The following KCNAB1 variants were observed in gnomAD, a reference collection of about 807,000 sequenced individuals.
The protein encoded by KCNAB1 is potassium voltage-gated channel subfamily A regulatory beta subunit 1, also known as voltage-gated potassium channel subunit beta-1.
In KCNAB1, 35 loss-of-function variants were observed where a neutral mutation model predicts 64.6. That is an observed-to-expected ratio of 0.54 (90% confidence interval 0.41 to 0.72). The LOEUF is 0.72. Among genes scored for constraint, KCNAB1 ranks in the 30% least tolerant of loss-of-function variants. The pLI is 0.00. For synonymous variants in KCNAB1, 177 were observed against 183.8 expected, an observed-to-expected ratio of 0.96 and a Z score of 0.30; for missense variants, 401 against 512.9, an observed-to-expected ratio of 0.78 and a Z score of 2.11.
rs547963217 is a variant in KCNAB1 at position 156,400,027 on chromosome 3, C to T, written c.276-21589C>T. Among the ~76,000 whole-genome samples, 13 of 152,196 alleles carry T rather than the reference C, an allele frequency of 8.5e-5. No homozygotes were observed. The East Asian group carries it at 1.2e-3, about 14-fold the overall frequency. The stretch of plus-strand genomic sequence containing the variant: ...AAGGGGGTCCTCTTTATGGTGGCCA[C>T]GGTTCTAAACACCTGAGAGTTGAGA... On this transcript the variant is annotated intron_variant, in intron 1 of 13. Coordinates refer to ENST00000490337, the MANE Select transcript of KCNAB1 (RefSeq NM_172160.3).
chr3:156,463,043 T>A (rs2108297883), intron 5 of KCNAB1, among the ~76,000 whole-genome samples: 1 of 152,336 alleles, frequency 6.6e-6, no homozygotes, highest in Admixed American at 6.5e-5. Context: ...ACTGTTTTCC[T>A]AAAATGACAT....
intron 2 of KCNAB1, among the ~76,000 whole-genome samples, chr3:156,443,783 ATTCTT>A (rs1177187364): frequency 7.3e-6 from 1 of 136,534 alleles, no homozygotes; most frequent in Non-Finnish European, 1.6e-5. Flanking sequence ...CACACACACT[ATTCTT>A]TACTTGTAAA....
At chr3:156,319,512 C>T (rs115854274) in intron 1 of KCNAB1, among the ~76,000 whole-genome samples, 2,085 of 152,204 alleles carry the variant, frequency 0.014, 42 homozygotes, top group African/African-American at 0.048. Context: ...CATGGCCATG[C>T]CAAACTTAAG....
chr3:156,120,267 T>G (rs549213923), upstream of KCNAB1, among the ~76,000 whole-genome samples: 1 of 152,358 alleles, frequency 6.6e-6, no homozygotes, highest in African/African-American at 2.4e-5. Flanking sequence ...CAAACCTATA[T>G]GACCAAAAGT....
chr3:156,277,037 G>A (rs1719389286), intron 1 of KCNAB1, among the ~76,000 whole-genome samples: 3 of 152,100 alleles, frequency 2.0e-5, no homozygotes, highest in African/African-American at 7.2e-5. Flanking sequence ...TTTGAAGTGA[G>A]AGATGTGTGC....
chr3:156,223,137 T>C (rs1715891745), intron 1 of KCNAB1, among the ~76,000 whole-genome samples: 1 of 152,220 alleles, frequency 6.6e-6, no homozygotes, highest in African/African-American at 2.4e-5. Flanking sequence ...TGTTCAGAGT[T>C]TCTTCCTTCT....
chr3:156,401,439 T>C (rs1258445449), intron 1 of KCNAB1, among the ~76,000 whole-genome samples: 1 of 152,232 alleles, frequency 6.6e-6, no homozygotes, highest in Non-Finnish European at 1.5e-5. Flanking sequence ...ATTTTTTCCT[T>C]TCTATTTTTA....
intron 1 of KCNAB1, among the ~76,000 whole-genome samples, chr3:156,292,348 G>C (rs987170615): frequency 1.3e-5 from 2 of 152,128 alleles, no homozygotes; most frequent in South Asian, 2.1e-4. Context: ...TAATTCTAAA[G>C]TCCTATGAAC....
Position 156,475,157 on chromosome 3 carries a change from G to A in KCNAB1, c.658+337G>A, listed in dbSNP as rs143096719. Among the ~76,000 whole-genome samples, 988 of 152,258 alleles carry A rather than the reference G, an allele frequency of 6.5e-3. 6 individuals are homozygous for A. Among genetic ancestry groups the A allele is most frequent in the Non-Finnish European group, 0.01 (690 of 68,020 alleles). ...GGCTTTATAACTCAGCCATCATCGC[G>A]TCACAGTAAATCCTTTGAGGGTCTT... On this transcript the variant is annotated intron_variant, in intron 8 of 13. Coordinates refer to ENST00000490337, the MANE Select transcript of KCNAB1 (RefSeq NM_172160.3).
In KCNAB1 at chr3:156,268,760, T is replaced by C. The variant is rs565975135; in HGVS notation, c.275+147874T>C. On this transcript the variant is annotated intron_variant, in intron 1 of 13. Coordinates refer to ENST00000490337, the MANE Select transcript of KCNAB1 (RefSeq NM_172160.3). ...GGTTGAGCTTCTTATATATTCTGGT[T>C]ATTAATCTGTTGTCAGATAGATAGT... 3.9e-5 allele frequency among the ~76,000 whole-genome samples: 6 copies of C among 152,350 alleles called. 1 individual carries two copies. The highest frequency in any genetic ancestry group is 1.2e-4 in the African/African-American group (5 of 41,582).
intron 1 of KCNAB1, among the ~76,000 whole-genome samples, chr3:156,407,121 G>T (rs1263996402): frequency 1.3e-5 from 2 of 152,194 alleles, no homozygotes; most frequent in Admixed American, 1.3e-4. Flanking sequence ...GAGGGGTTAA[G>T]CTGGTTGCTA....
chr3:156,219,777 T>C (rs890778408), intron 1 of KCNAB1, among the ~76,000 whole-genome samples: 21 of 151,942 alleles, frequency 1.4e-4, no homozygotes, highest in Admixed American at 3.3e-4. Context: ...TGCAGGTTTG[T>C]TATATAGGTA....
rs926814886 is a variant in KCNAB1 at position 156,396,918 on chromosome 3, C to T, written c.276-24698C>T. ...TGCGTTTCTTCTTAATTAGGACAGG[C>T]GATGTAATGACACAATCAAACACAT... On this transcript the variant is annotated intron_variant, in intron 1 of 13. Transcript: ENST00000490337. Among the ~76,000 whole-genome samples, 4 of 152,068 alleles carry T rather than the reference C, an allele frequency of 2.6e-5. No homozygotes were observed. In the South Asian group the frequency reaches 6.2e-4, roughly 24 times the overall value.
intron 5 of KCNAB1, among the ~76,000 whole-genome samples, chr3:156,460,886 C>T (rs917998562): frequency 5.3e-5 from 8 of 152,194 alleles, no homozygotes; most frequent in African/African-American, 1.9e-4. Context: ...GCTTACTCCC[C>T]ACTCTGAGAT....
At chr3:156,518,021 G>A (rs1576967009) in intron 11 of KCNAB1, among the ~76,000 whole-genome samples, 1 of 152,192 alleles carries the variant, frequency 6.6e-6, no homozygotes, top group African/African-American at 2.4e-5. Context: ...TGTATTTGGA[G>A]TGCATGATTG....
chr3:156,429,643 A>G (rs1716070542), intron 2 of KCNAB1, among the ~76,000 whole-genome samples: 1 of 152,194 alleles, frequency 6.6e-6, no homozygotes, highest in East Asian at 1.9e-4. Flanking sequence ...GACATTAAAT[A>G]TTTAACATGG....
At chr3:156,247,769 T>C (rs1717552753) in intron 1 of KCNAB1, among the ~76,000 whole-genome samples, 1 of 152,148 alleles carries the variant, frequency 6.6e-6, no homozygotes, top group African/African-American at 2.4e-5. Context: ...TTCGCCATGT[T>C]GCCCAGGCTG....
intron 1 of KCNAB1, among the ~76,000 whole-genome samples, chr3:156,331,795 T>C (rs1469128972): frequency 1.3e-5 from 2 of 152,188 alleles, no homozygotes; most frequent in African/African-American, 4.8e-5. Context: ...TCCAGACACC[T>C]GGAAGCCCCT....
chr3:156,467,267 A>G (rs1309540242), intron 7 of KCNAB1, among the ~76,000 whole-genome samples: 4 of 152,132 alleles, frequency 2.6e-5, no homozygotes, highest in South Asian at 4.1e-4. Context: ...CACTTTCACT[A>G]CATCATAAAG....
Sources: gnomAD v4.1 joint callset for allele counts (sites outside exome capture counted in the v4.1 genomes callset) on GRCh38, gnomAD v4.1.1 for gene constraint, MANE v1.5 for transcripts, NCBI Gene and HGNC (gene_info 2026-07-23, HGNC 2026-07-21) for gene names.